HAO1: variants seen among roughly 807,000 people sequenced by gnomAD.
HAO1 encodes the protein 2-Hydroxyacid oxidase 1.
A neutral mutation model predicts 39.7 loss-of-function variants in HAO1; 34 were observed. The observed-to-expected ratio is 0.86, with a 90% CI of 0.65 to 1.14. HAO1 has a LOEUF of 1.14. Ranked by LOEUF, HAO1 falls within the 50% of genes most tolerant of loss-of-function variation. HAO1 has a pLI of 0.00. For synonymous variants in HAO1, 172 were observed against 173.2 expected, an observed-to-expected ratio of 0.99 and a Z score of 0.05; for missense variants, 479 against 464.5, an observed-to-expected ratio of 1.03 and a Z score of -0.29.
rs1428228954 is a variant in HAO1, at chr20:7,940,306, A to G, written c.117T>C (p.Asp39=). 1 of 1,605,164 alleles carries G rather than the reference A, an allele frequency of 6.2e-7. No homozygotes were observed. Among genetic ancestry groups the G allele is most frequent in the Non-Finnish European group, 8.5e-7 (1 of 1,177,432 alleles). The part of the protein sequence containing the change: ...SGANDEETLA[D]NIAAFSRWKL... Reference sequence around the variant, plus strand: ...CTTACCTGGAAAATGCTGCAATATTATCAGCCAAAGTTTCTTCATCATTTG... The same window carrying G: ...CTTACCTGGAAAATGCTGCAATATTGTCAGCCAAAGTTTCTTCATCATTTG... The change falls in exon 1 of 8, where the codon GAT becomes GAC. Residue 39 remains aspartate (D), a synonymous_variant. Transcript: ENST00000378789.
chr20:7,901,054 C>G (rs551559136), intron 4 of HAO1, among the ~76,000 whole-genome samples: 1 of 152,262 alleles, frequency 6.6e-6, no homozygotes, highest in South Asian at 2.1e-4. Context: ...GAGCAACACC[C>G]TAACTCTCTT....
intron 2 of HAO1, among the ~76,000 whole-genome samples, chr20:7,930,939 A>G (rs1029436990): frequency 1.3e-5 from 2 of 152,118 alleles, no homozygotes; most frequent in Admixed American, 6.6e-5. Context: ...CAAGTAACCC[A>G]CTGTCCCACA....
chr20:7,887,661 A>G (rs766154466), intron 5 of HAO1, among the ~76,000 whole-genome samples: 4 of 152,150 alleles, frequency 2.6e-5, no homozygotes, highest in Non-Finnish European at 5.9e-5. Context: ...ATATTTCCCC[A>G]TTTGAAACCA....
intron 5 of HAO1, among the ~76,000 whole-genome samples, chr20:7,893,767 G>C (rs1157282174): frequency 1.3e-5 from 2 of 152,090 alleles, no homozygotes; most frequent in East Asian, 3.9e-4. Flanking sequence ...GTTTTTCAGA[G>C]AGACTGATTT....
At chr20:7,924,227 T>TTGTTG (rs376394103) in intron 2 of HAO1, among the ~76,000 whole-genome samples, 2 of 141,648 alleles carry the variant, frequency 1.4e-5, no homozygotes, top group East Asian at 4.5e-4. Context: ...GTTGTTGTTG[T>TTGTTG]TTGTTTGTTT....
At chr20:7,911,856 T>C (rs2050281387) in intron 3 of HAO1, among the ~76,000 whole-genome samples, 1 of 152,234 alleles carries the variant, frequency 6.6e-6, no homozygotes, top group Admixed American at 6.5e-5. Flanking sequence ...AGAAACCGAT[T>C]TCATATCAGG....
intron 2 of HAO1, among the ~76,000 whole-genome samples, chr20:7,930,093 A>G (rs189120654): frequency 2.5e-3 from 375 of 152,178 alleles, no homozygotes; most frequent in African/African-American, 8.5e-3. Flanking sequence ...AATGGGTTTC[A>G]CTTACTCTCA....
At chr20:7,907,924 G>A (rs886264068) in intron 3 of HAO1, among the ~76,000 whole-genome samples, 5 of 152,132 alleles carry the variant, frequency 3.3e-5, no homozygotes, top group African/African-American at 1.2e-4. Context: ...TAATGACAGT[G>A]ACTGGACTCA....
At chr20:7,935,636 T>G (rs2050406598) in intron 1 of HAO1, among the ~76,000 whole-genome samples, 1 of 152,220 alleles carries the variant, frequency 6.6e-6, no homozygotes, top group Admixed American at 6.5e-5. Flanking sequence ...TGTTAAAAAG[T>G]TTTTGACTCC....
intron 4 of HAO1, among the ~76,000 whole-genome samples, chr20:7,904,256 A>G (rs939950795): frequency 3.3e-5 from 5 of 152,022 alleles, no homozygotes; most frequent in African/African-American, 9.7e-5. Context: ...CATCTCTACA[A>G]TTATCTCTTT....
At chr20:7,891,503 T>C (rs1209086413) in intron 5 of HAO1, among the ~76,000 whole-genome samples, 3 of 152,216 alleles carry the variant, frequency 2.0e-5, no homozygotes, top group Non-Finnish European at 2.9e-5. Flanking sequence ...GTCTATTTAC[T>C]CTGCTGACTT....
At position 7,885,570 on chromosome 20, in the gene HAO1, A is replaced by G. The variant is rs1265568055; in HGVS notation, c.993T>C (p.Asp331=). 6.2e-7 allele frequency: 1 copy of G among 1,611,636 alleles called. No homozygotes were observed. The highest frequency in any genetic ancestry group is 8.5e-7 in the Non-Finnish European group (1 of 1,177,810). The change falls in exon 7 of 8, where the codon GAT becomes GAC. Residue 331 remains aspartate (D), a synonymous_variant. Coordinates refer to ENST00000378789, the MANE Select transcript of HAO1 (RefSeq NM_017545.3). ...ATTCTTCCTTTAGTATCTCGAGGAC[A>G]TCTTGAACACCTTTCTCCCCCTAAC... is the stretch of plus-strand genomic sequence containing the variant. ...LAFQGEKGVQ[D]VLEILKEEFR... is the part of the protein sequence containing the mutation.
At chr20:7,885,685 T>C in intron 6 of HAO1, 21 bp downstream of exon 6, 1 of 1,600,344 alleles carries the variant, frequency 6.2e-7, no homozygotes, top group Non-Finnish European at 8.6e-7. Context: ...ATTTTATATA[T>C]TCATTTCTTT....
intron 6 of HAO1, 56 bp downstream of exon 6, chr20:7,885,649 TC>T (rs2058007404): frequency 6.4e-7 from 1 of 1,564,670 alleles, no homozygotes; most frequent in African/African-American, 1.4e-5. Flanking sequence ...CTTGTTTTAT[TC>T]ATTTGTTTTA....
At chr20:7,901,157 A>G (rs75925266) in intron 4 of HAO1, among the ~76,000 whole-genome samples, 7 of 152,188 alleles carry the variant, frequency 4.6e-5, no homozygotes, top group African/African-American at 1.7e-4. Context: ...GGAAGGAGCC[A>G]TCTCTATAAC....
intron 5 of HAO1, among the ~76,000 whole-genome samples, chr20:7,889,726 A>G (rs538738300): frequency 6.6e-6 from 1 of 152,318 alleles, no homozygotes; most frequent in Non-Finnish European, 1.5e-5. Context: ...CTTTGCCATT[A>G]AAAGTAATGG....
At chr20:7,905,622 C>T (rs527330638) in intron 4 of HAO1, among the ~76,000 whole-genome samples, 30 of 152,248 alleles carry the variant, frequency 2.0e-4, no homozygotes, top group South Asian at 1.0e-3. Flanking sequence ...TTCTTATTAC[C>T]CATGGCTTGA....
chr20:7,893,564 C>T (rs769902829), intron 5 of HAO1, among the ~76,000 whole-genome samples: 1 of 152,078 alleles, frequency 6.6e-6, no homozygotes, highest in Non-Finnish European at 1.5e-5. Flanking sequence ...TTTTGCAGAC[C>T]CTGTACCTGG....
At chr20:7,892,595 T>C (rs991315330) in intron 5 of HAO1, among the ~76,000 whole-genome samples, 3 of 152,140 alleles carry the variant, frequency 2.0e-5, no homozygotes, top group African/African-American at 7.2e-5. Flanking sequence ...TCTACTCTTT[T>C]TCCAGTTGTG....
Sources: gnomAD v4.1 joint callset for allele counts (sites outside exome capture counted in the v4.1 genomes callset) on GRCh38, gnomAD v4.1.1 for gene constraint, MANE v1.5 for transcripts, NCBI Gene and HGNC (gene_info 2026-07-23, HGNC 2026-07-21) for gene names.